PDZD7: variants seen among roughly 807,000 people sequenced by gnomAD.
PDZD7 encodes the protein PDZ domain containing 7, also known as PDZ domain-containing protein 7.
PDZD7 carries 72 observed loss-of-function variants against 84.7 expected under a neutral mutation model. That is an observed-to-expected ratio of 0.85 (90% confidence interval 0.70 to 1.03). PDZD7 has a LOEUF of 1.03. Ranked by LOEUF, PDZD7 falls within the 50% of genes least tolerant of loss-of-function variation. PDZD7 has a pLI of 0.00. For synonymous variants in PDZD7, 594 were observed against 580.7 expected, an observed-to-expected ratio of 1.02 and a Z score of -0.33; for missense variants, 1,490 against 1,412.9, an observed-to-expected ratio of 1.05 and a Z score of -0.87.
intron 11 of PDZD7, among the ~76,000 whole-genome samples, chr10:101,015,115 G>A (rs1252407485): frequency 6.6e-6 from 1 of 152,234 alleles, no homozygotes; most frequent in Non-Finnish European, 1.5e-5. Flanking sequence ...TAGGTGTTGG[G>A]GGAGGCAAAG....
At chr10:101,016,555 C>T (rs1257588840) in intron 9 of PDZD7, 128 bp from the exon 10 acceptor site, 3 of 984,864 alleles carry the variant, frequency 3.0e-6, no homozygotes, top group Non-Finnish European at 3.0e-6. Flanking sequence ...AGGCAAGAGG[C>T]CTGGCCCTGA....
At chr10:101,014,675 C>CACACAG (rs1831571701) in intron 11 of PDZD7, among the ~76,000 whole-genome samples, 1 of 151,342 alleles carries the variant, frequency 6.6e-6, no homozygotes, top group South Asian at 2.1e-4. Flanking sequence ...TGCATGGACA[C>CACACAG]ACACACACAC....
At chr10:101,020,870 T>C (rs1590064209) in intron 6 of PDZD7, among the ~76,000 whole-genome samples, 192 bp from the exon 7 acceptor site, 1 of 152,244 alleles carries the variant, frequency 6.6e-6, no homozygotes. Flanking sequence ...CTGTTCACTC[T>C]GCCTGGAGGC....
rs1226308109 is a variant in PDZD7 at position 101,019,145 on chromosome 10, C to T, written c.1001G>A (p.Ser334Asn). 1.3e-6 allele frequency: 2 copies of T among 1,544,690 alleles called. No individual in the cohort carries two copies. Among genetic ancestry groups the T allele is most frequent in the Non-Finnish European group, 1.7e-6 (2 of 1,151,440 alleles). ...CAGGGAGCCCGAGCTGTAGGGGGCG[C>T]TGGAGGCGCACGAAGAGACGCTGGA... Reference protein sequence around the residue: ...SSSSVSSCASSAPYSSGSLPS... With the variant: ...SSSSVSSCASNAPYSSGSLPS... Residue 334 changes from serine to asparagine, a missense_variant, in exon 8 of 17, where the codon AGC becomes AAC. Coordinates refer to ENST00000619208, the MANE Select transcript of PDZD7 (RefSeq NM_001195263.2).
rs746109316 is a variant in PDZD7, at chr10:101,017,887, GAAAGA to G, written c.1522+207_1522+211del. 3,502 of 201,786 alleles carry G rather than the reference GAAAGA, an allele frequency of 0.017. 62 individuals are homozygous for G. The highest frequency in any genetic ancestry group is 0.023 in the African/African-American group (550 of 23,728). 12.5% of individuals were successfully genotyped at this position (201,786 alleles called of 1,614,324 possible). On this transcript the variant is annotated intron_variant, in intron 9 of 16. Transcript: ENST00000619208. ...AGAAAGAAAGAAAGAAAGAAAGAAA[GAAAGA>G]AAAGAAAGAAAGAAAGAAAGAAAAG...
intron 3 of PDZD7, 70 bp from the exon 4 acceptor site, chr10:101,023,680 G>T: frequency 6.4e-7 from 1 of 1,562,506 alleles, no homozygotes; most frequent in Non-Finnish European, 8.7e-7. Flanking sequence ...ATCAGATGGA[G>T]CTCCCTGGGG....
chr10:101,023,830 G>T (rs1250385476), intron 3 of PDZD7, 98 bp downstream of exon 3: 176 of 1,592,592 alleles, frequency 1.1e-4, no homozygotes, highest in Non-Finnish European at 3.4e-6. Context: ...CCAGAGCTGG[G>T]GACTCTTCCG....
rs939062446 is a variant in PDZD7, at chr10:101,010,559, C to A, written c.2330G>T (p.Arg777Leu). Residue 777 changes from arginine to leucine, a missense_variant, in exon 15 of 17, where the codon CGT (arginine) becomes CTT (leucine). Arg to Leu is a moderately radical substitution (Grantham distance 102, BLOSUM62 -2). Coordinates refer to ENST00000619208, the MANE Select transcript of PDZD7 (RefSeq NM_001195263.2). ...RGRAQSRSRS[R>L]SRSRSRSSRG... Reference sequence around the variant, plus strand: ...GCTGCTGCGGCTGCGGCTGCGGCTACGGCTGCGGCTACGGCTCTGAGCCCG... The same window carrying A: ...GCTGCTGCGGCTGCGGCTGCGGCTAAGGCTGCGGCTACGGCTCTGAGCCCG... 2.0e-6 allele frequency: 3 copies of A among 1,487,902 alleles called. No homozygotes were observed. Among genetic ancestry groups the A allele is most frequent in the Non-Finnish European group, 2.7e-6 (3 of 1,106,682 alleles). 92.2% of individuals were successfully genotyped at this position (1,487,902 alleles called of 1,614,324 possible). A position where few individuals can be genotyped will look rare whatever the true frequency, so the allele number is the denominator to read the frequency against.
In PDZD7 at chr10:101,022,283, T is replaced by C. The variant is rs1853155972; in HGVS notation, c.645A>G (p.Thr215=). ...DGVRRIVHLY[T]TSDDFCLGFN... ...AGCCCAGGCAGAAGTCGTCGGAGGT[T>C]GTGTATAGGTGGACGATGCGCCGGA... Residue 215 remains threonine, a synonymous_variant, in exon 5 of 17, where the codon ACA becomes ACG. Transcript: ENST00000619208. 1 of 1,614,162 alleles carries C rather than the reference T, an allele frequency of 6.2e-7. No homozygotes were observed.
intron 11 of PDZD7, 39 bp from the exon 12 acceptor site, chr10:101,012,297 G>A (rs955497234): frequency 2.0e-6 from 3 of 1,487,394 alleles, no homozygotes; most frequent in Middle Eastern, 1.7e-4. Flanking sequence ...AGCAGTGGGG[G>A]CTTCCAGAGC....
intron 2 of PDZD7, among the ~76,000 whole-genome samples, chr10:101,026,653 C>G (rs1231406782): frequency 3.0e-5 from 4 of 131,806 alleles, no homozygotes; most frequent in Non-Finnish European, 6.3e-5. Flanking sequence ...AGGTGTTTGA[C>G]AGGGAGAAAT....
chr10:101,008,960 C>T (rs1334251418), intron 16 of PDZD7, 110 bp from the exon 17 acceptor site: 1 of 1,332,622 alleles, frequency 7.5e-7, no homozygotes, highest in Non-Finnish European at 9.9e-7. Context: ...ACTCCTCCCC[C>T]ATCTGGGTGG....
chr10:101,028,326 G>A (rs535510308), intron 2 of PDZD7, among the ~76,000 whole-genome samples: 9 of 152,330 alleles, frequency 5.9e-5, no homozygotes, highest in African/African-American at 2.2e-4. Context: ...GGTGGCTCAT[G>A]CCTATAATCC....
chr10:101,026,517 G>A (rs917333014), intron 2 of PDZD7, among the ~76,000 whole-genome samples: 7 of 151,962 alleles, frequency 4.6e-5, no homozygotes, highest in Non-Finnish European at 7.4e-5. Flanking sequence ...GGGGGAAAGA[G>A]CCAGGGAGGC....
At chr10:101,017,828 A>C in intron 9 of PDZD7, 3 of 312,810 alleles carry the variant, frequency 9.6e-6, no homozygotes, top group Non-Finnish European at 1.1e-5. Flanking sequence ...GAAAGAAAGG[A>C]AGGAAGGAAG....
intron 1 of PDZD7, 179 bp from the exon 2 acceptor site, chr10:101,030,563 T>G (rs542913804): frequency 4.2e-6 from 2 of 481,462 alleles, no homozygotes; most frequent in East Asian, 4.0e-5. Context: ...TCTCGCTGAC[T>G]TTATACAAGG....
chr10:101,027,629 T>C (rs1937798842), intron 2 of PDZD7, among the ~76,000 whole-genome samples: 1 of 152,182 alleles, frequency 6.6e-6, no homozygotes, highest in South Asian at 2.1e-4. Context: ...TTCCCGGCAA[T>C]TCTGAGGCAT....
Position 101,018,080 on chromosome 10 carries a change from T to C in PDZD7, c.1522+19A>G, listed in dbSNP as rs368721665. 80 of 1,614,050 alleles carry C rather than the reference T, an allele frequency of 5.0e-5. No individual in the cohort carries two copies. The highest frequency in any genetic ancestry group is 6.7e-5 in the Non-Finnish European group (79 of 1,180,018). Reference sequence around the variant, plus strand: ...GTGGACTTCACTTTGCCTTCCTGTTTGATCAGCCCACTACTTACCTTTCTC... The same window carrying C: ...GTGGACTTCACTTTGCCTTCCTGTTCGATCAGCCCACTACTTACCTTTCTC... On this transcript the variant is annotated intron_variant, in intron 9 of 16. Transcript: ENST00000619208.
At chr10:101,015,968 T>C (rs1182211853) in intron 10 of PDZD7, among the ~76,000 whole-genome samples, 157 bp from the exon 11 acceptor site, 2 of 152,050 alleles carry the variant, frequency 1.3e-5, no homozygotes, top group African/African-American at 2.4e-5. Context: ...TGCCCACCAA[T>C]GCAGCACAAA....
Sources: allele counts gnomAD v4.1 joint callset (sites outside exome capture counted in the v4.1 genomes callset), GRCh38; gene constraint gnomAD v4.1.1; transcripts MANE v1.5; gene names NCBI Gene and HGNC (gene_info 2026-07-23, HGNC 2026-07-21).